The following CEP57L1 variants were observed in gnomAD, a reference collection of about 807,000 sequenced individuals.
CEP57L1 encodes the protein centrosomal protein 57 like 1, also known as centrosomal protein CEP57L1.
Under a neutral mutation model 61.0 loss-of-function variants are expected in CEP57L1, and 37 were observed. The ratio of observed to expected loss-of-function variants is 0.61; its 90% CI spans 0.47 to 0.80. The LOEUF is 0.80. Ranked by LOEUF, CEP57L1 falls within the 30% of genes least tolerant of loss-of-function variation. CEP57L1 has a pLI of 0.00. For missense variants in CEP57L1, 422 were observed against 524.7 expected, an observed-to-expected ratio of 0.80 and a Z score of 1.91; for synonymous variants, 137 against 162.3, an observed-to-expected ratio of 0.84 and a Z score of 1.19.
chr6:109,120,957 C>CACACACAG lies in CEP57L1; in HGVS notation c.-3-24261_-3-24260insCACACAGA, dbSNP rs1332576863. ...ACACACACACACACACACACACACA[C>CACACACAG]AGTCACTCACTCATAGGCAAACATT... On this transcript the variant is annotated intron_variant, in intron 1 of 10. Transcript: ENST00000517392. 2.5e-3 allele frequency among the ~76,000 whole-genome samples: 350 copies of CACACACAG among 141,142 alleles called. 2 individuals are homozygous for CACACACAG. The highest frequency in any genetic ancestry group is 8.0e-3 in the African/African-American group (303 of 38,084). The allele number at this position is 141,142 out of a possible 152,430, so 92.6% of individuals were successfully genotyped here.
intron 7 of CEP57L1, chr6:109,157,543 G>A (rs1481562578): frequency 3.3e-5 from 5 of 152,206 alleles, no homozygotes; most frequent in African/African-American, 1.2e-4. Context: ...AGGAAGCCTT[G>A]AAGAATTAAA....
At chr6:109,127,819 G>A (rs1773742458) in intron 1 of CEP57L1, among the ~76,000 whole-genome samples, 1 of 151,030 alleles carries the variant, frequency 6.6e-6, no homozygotes, top group African/African-American at 2.4e-5. Flanking sequence ...TAGTAGAGAC[G>A]AGGTTTCACC....
chr6:109,117,956 T>A (rs1772496132), intron 1 of CEP57L1, among the ~76,000 whole-genome samples: 1 of 152,198 alleles, frequency 6.6e-6, no homozygotes, highest in Non-Finnish European at 1.5e-5. Flanking sequence ...ATAAGCACAT[T>A]GGAAACGGAT....
intron 1 of CEP57L1, among the ~76,000 whole-genome samples, chr6:109,119,381 A>G (rs1337877591): frequency 1.3e-5 from 2 of 152,186 alleles, no homozygotes; most frequent in East Asian, 3.9e-4. Flanking sequence ...CTAGGCTGGG[A>G]CACCTAATCA....
rs1774229872 is a variant in CEP57L1, at chr6:109,168,364, C to A, written c.*5394C>A. 6.6e-6 allele frequency among the ~76,000 whole-genome samples: 1 copy of A among 152,114 alleles called. No individual in the cohort carries two copies. Among genetic ancestry groups the A allele is most frequent in the Non-Finnish European group, 1.5e-5 (1 of 68,006 alleles). On this transcript the variant is annotated 3_prime_UTR_variant, in exon 11 of 11. Coordinates refer to ENST00000517392, the MANE Select transcript of CEP57L1 (RefSeq NM_001271852.3). ...GAAAATCAAGCAATAATCACTTAGA[C>A]TAAAACAGAACAATAAGAATTATAC...
At chr6:109,151,963 AT>A (rs958354083) in intron 4 of CEP57L1, among the ~76,000 whole-genome samples, 26 of 147,732 alleles carry the variant, frequency 1.8e-4, no homozygotes, top group Admixed American at 2.7e-4. Flanking sequence ...GTTGCTAAGT[AT>A]TTTTTTTTTA....
intron 10 of CEP57L1, 92 bp from the exon 11 acceptor site, chr6:109,162,657 T>A: frequency 1.2e-6 from 1 of 833,006 alleles, no homozygotes. Flanking sequence ...ATTTTAACTT[T>A]TTAACGTTAA....
At position 109,158,558 on chromosome 6, in the gene CEP57L1, G is replaced by C. The variant is rs1015136398; in HGVS notation, c.745-467G>C. On this transcript the variant is annotated intron_variant, in intron 7 of 10. Transcript: ENST00000517392. ...ACAAATAAAGCTGCTATGAACATTTGTGTACAGGTTTTTATGTGAACATAA... is the reference window on the plus strand; with the variant it reads ...ACAAATAAAGCTGCTATGAACATTTCTGTACAGGTTTTTATGTGAACATAA... The C allele has an allele frequency of 2.9e-5, 13 of 444,038 alleles. No homozygotes were observed. The East Asian group carries it at 9.1e-4, about 31-fold the overall frequency. 27.5% of individuals were successfully genotyped at this position (444,038 alleles called of 1,614,324 possible).
Position 109,160,644 on chromosome 6 carries a change from A to C in CEP57L1, c.1089A>C (p.Glu363Asp), listed in dbSNP as rs763799504. 34 of 1,609,090 alleles carry C rather than the reference A, an allele frequency of 2.1e-5. No individual in the cohort carries two copies. The East Asian group carries it at 7.6e-4, about 36-fold the overall frequency. ...SHSVCDDIEC[E>D]LECLLKKMEI... ...CAGTCTGTGACGACATAGAATGTGAACTAGAGTGTTTACTCAAGAAAATGG... is the reference window on the plus strand; with the variant it reads ...CAGTCTGTGACGACATAGAATGTGACCTAGAGTGTTTACTCAAGAAAATGG... The change falls in exon 10 of 11, where the codon GAA (glutamate) becomes GAC (aspartate). Residue 363 changes from glutamate to aspartate, a missense_variant. Glu to Asp is a conservative substitution (Grantham distance 45). Transcript: ENST00000517392.
At chr6:109,152,243 C>T (rs1395272143) in intron 4 of CEP57L1, among the ~76,000 whole-genome samples, 1 of 152,130 alleles carries the variant, frequency 6.6e-6, no homozygotes, top group Non-Finnish European at 1.5e-5. Context: ...TGCAGTGGCA[C>T]AATCTTGGCT....
chr6:109,141,709 A>C (rs1193638271), intron 1 of CEP57L1, among the ~76,000 whole-genome samples: 2 of 151,832 alleles, frequency 1.3e-5, no homozygotes, highest in African/African-American at 2.4e-5. Context: ...AGTTATAATA[A>C]GATAATAATA....
chr6:109,130,441 A>G (rs1326785514), intron 1 of CEP57L1, among the ~76,000 whole-genome samples: 1 of 151,880 alleles, frequency 6.6e-6, no homozygotes, highest in Non-Finnish European at 1.5e-5. Context: ...TTAATATTCC[A>G]TTGCTTGTAT....
At chr6:109,123,187 G>C (rs1473760245) in intron 1 of CEP57L1, among the ~76,000 whole-genome samples, 2 of 152,028 alleles carry the variant, frequency 1.3e-5, no homozygotes, top group Non-Finnish European at 2.9e-5. Flanking sequence ...TATGTATATT[G>C]ATGACTTCCA....
chr6:109,137,539 A>G (rs1386948778), intron 1 of CEP57L1, among the ~76,000 whole-genome samples: 1 of 152,156 alleles, frequency 6.6e-6, no homozygotes, highest in Non-Finnish European at 1.5e-5. Context: ...TGACCTACTG[A>G]TCTGCCTGCT....
chr6:109,101,409 A>G (rs1245900171), intron 1 of CEP57L1, among the ~76,000 whole-genome samples: 2 of 152,144 alleles, frequency 1.3e-5, no homozygotes, highest in African/African-American at 4.8e-5. Flanking sequence ...AATCCATTGT[A>G]TGGATATATC....
chr6:109,146,663 T>C (rs1771993583), intron 2 of CEP57L1, 95 bp from the exon 3 acceptor site: 1 of 817,496 alleles, frequency 1.2e-6, no homozygotes, highest in Non-Finnish European at 1.8e-6. Flanking sequence ...TCTGGCTCAG[T>C]AACAAAAATA....
At chr6:109,129,896 C>G (rs1363719236) in intron 1 of CEP57L1, among the ~76,000 whole-genome samples, 1 of 151,760 alleles carries the variant, frequency 6.6e-6, no homozygotes, top group Non-Finnish European at 1.5e-5. Context: ...CAAGTGGGAG[C>G]AAAAGTAAGT....
chr6:109,134,192 C>A (rs1774538011), intron 1 of CEP57L1, among the ~76,000 whole-genome samples: 1 of 152,100 alleles, frequency 6.6e-6, no homozygotes, highest in African/African-American at 2.4e-5. Flanking sequence ...AATCCAGCAA[C>A]ACATCAAAAA....
At chr6:109,128,827 G>T (rs537132707) in intron 1 of CEP57L1, among the ~76,000 whole-genome samples, 1 of 152,082 alleles carries the variant, frequency 6.6e-6, no homozygotes, top group Admixed American at 6.5e-5. Context: ...CTTATTGTTT[G>T]TTTGCTTTGG....
Sources: gnomAD v4.1 joint callset for allele counts (sites outside exome capture counted in the v4.1 genomes callset) on GRCh38, gnomAD v4.1.1 for gene constraint, MANE v1.5 for transcripts, NCBI Gene and HGNC (gene_info 2026-07-23, HGNC 2026-07-21) for gene names.